Variants in BORCS7 observed in about 807,000 individuals in gnomAD.
BORCS7 encodes the protein BLOC-1-related complex subunit 7.
A neutral mutation model predicts 17.5 loss-of-function variants in BORCS7; 20 were observed. The ratio of observed to expected loss-of-function variants is 1.14; its 90% CI spans 0.80 to 1.66. The LOEUF is 1.66. Ranked by LOEUF, BORCS7 falls within the 40% of genes most tolerant of loss-of-function variation. BORCS7 has a pLI of 0.00. For synonymous variants in BORCS7, 57 were observed against 49.8 expected, an observed-to-expected ratio of 1.14 and a Z score of -0.61; for missense variants, 122 against 129.7, an observed-to-expected ratio of 0.94 and a Z score of 0.29.
intron 1 of BORCS7, among the ~76,000 whole-genome samples, chr10:102,854,684 G>T (rs987815441): frequency 5.3e-5 from 8 of 151,632 alleles, no homozygotes; most frequent in African/African-American, 1.9e-4. Flanking sequence ...AGGCCGAGGC[G>T]GGCGGATCAC....
intron 1 of BORCS7, among the ~76,000 whole-genome samples, chr10:102,859,863 C>T (rs1388933088): frequency 1.3e-5 from 2 of 152,166 alleles, no homozygotes; most frequent in Non-Finnish European, 2.9e-5. Flanking sequence ...CGCACCTGGC[C>T]TTCTCTTATT....
chr10:102,861,738 A>C (rs1844524743), intron 3 of BORCS7, among the ~76,000 whole-genome samples: 1 of 152,102 alleles, frequency 6.6e-6, no homozygotes. Context: ...CAAAAAAACA[A>C]AAACAAAAGC....
chr10:102,856,398 A>C (rs973149284), intron 1 of BORCS7, among the ~76,000 whole-genome samples: 1 of 152,154 alleles, frequency 6.6e-6, no homozygotes, highest in Non-Finnish European at 1.5e-5. Context: ...AAAAAAGGAA[A>C]AAAAAAAAGA....
chr10:102,860,712 G>A (rs940877579), intron 3 of BORCS7, 171 bp downstream of exon 3: 1 of 675,434 alleles, frequency 1.5e-6, no homozygotes, highest in South Asian at 1.8e-5. Flanking sequence ...CAGAAGAAGT[G>A]GGGGTAAAGG....
At chr10:102,858,186 T>G (rs575474640) in intron 1 of BORCS7, among the ~76,000 whole-genome samples, 196 of 91,584 alleles carry the variant, frequency 2.1e-3, no homozygotes, top group African/African-American at 6.8e-3. Context: ...AATATATATA[T>G]ATATAGAGAG....
intron 3 of BORCS7, among the ~76,000 whole-genome samples, chr10:102,861,942 G>A (rs965089727): frequency 6.6e-6 from 1 of 152,074 alleles, no homozygotes; most frequent in Admixed American, 6.5e-5. Flanking sequence ...CTCACTCTGG[G>A]AGAATGTTAC....
rs556302481 is a variant in BORCS7 at position 102,861,282 on chromosome 10, G to A, written c.248+741G>A. On this transcript the variant is annotated intron_variant, in intron 3 of 4. Transcript: ENST00000339834. ...ATACAAAAAAGTAGCCGGGTGTGGT[G>A]GTGGGTGCCTGTAATCCCAGATACT... is the stretch of plus-strand genomic sequence containing the variant. Among the ~76,000 whole-genome samples the A allele has an allele frequency of 2.8e-4, 42 of 152,016 alleles. No homozygotes were observed. The South Asian group carries it at 8.1e-3, about 29-fold the overall frequency.
At chr10:102,859,112 A>T (rs1459248283) in intron 1 of BORCS7, among the ~76,000 whole-genome samples, 1 of 151,018 alleles carries the variant, frequency 6.6e-6, no homozygotes, top group Non-Finnish European at 1.5e-5. Flanking sequence ...AACCTCATTA[A>T]ATTCTGCCTG....
chr10:102,854,454 C>T (rs1487703606), intron 1 of BORCS7, 27 bp downstream of exon 1: 4 of 1,516,482 alleles, frequency 2.6e-6, no homozygotes, highest in Non-Finnish European at 3.6e-6. Flanking sequence ...CTCTCCCGGC[C>T]TGATAGTCCG....
Position 102,862,181 on chromosome 10 carries a change from G to A in BORCS7, c.269+1G>A. The A allele has an allele frequency of 1.9e-6, 3 of 1,609,274 alleles. No homozygotes were observed. Among genetic ancestry groups the A allele is most frequent in the South Asian group, 1.1e-5 (1 of 90,956 alleles). On this transcript the variant is annotated splice_donor_variant, in intron 4 of 4. Transcript: ENST00000339834. LOFTEE classifies it high-confidence loss of function. ...TTAGGCAAGAAGCTATTCAGAAGAA[G>A]TAAGTAACCCCAAAGGTAGAGGAGT...
chr10:102,855,159 CTTTTT>C (rs945217993), intron 1 of BORCS7, among the ~76,000 whole-genome samples: 2 of 130,756 alleles, frequency 1.5e-5, no homozygotes, highest in Non-Finnish European at 1.7e-5. Flanking sequence ...AGTACTTTTC[CTTTTT>C]TTTTTTTTTT....
rs376830356 is a variant in BORCS7, at chr10:102,860,334, G to T, written c.144G>T (p.Leu48=). ...ACCATTTTATTTTTGTCTTCCAGCT[G>T]CTAGGTCAGGCAGCTCGAAACATGG... ...QVLKGSRSSE[L]LGQAARNMVL... is the part of the protein sequence containing the mutation. Residue 48 remains leucine (L), a splice_region_variant and synonymous_variant, in exon 2 of 5, where the codon CTG becomes CTT. Coordinates refer to ENST00000339834, the MANE Select transcript of BORCS7 (RefSeq NM_001136200.2). 1.2e-6 allele frequency: 2 copies of T among 1,613,862 alleles called. No homozygotes were observed. Among genetic ancestry groups the T allele is most frequent in the Non-Finnish European group, 1.7e-6 (2 of 1,179,934 alleles).
chr10:102,855,835 C>T (rs1844418086), intron 1 of BORCS7, among the ~76,000 whole-genome samples: 1 of 152,194 alleles, frequency 6.6e-6, no homozygotes. Flanking sequence ...ATCTCGGGCT[C>T]ACTGCAACCT....
chr10:102,863,072 A>C lies in BORCS7; in HGVS notation c.*148A>C. The C allele has an allele frequency of 1.0e-5, 7 of 670,502 alleles. No individual in the cohort carries two copies. Among genetic ancestry groups the C allele is most frequent in the Non-Finnish European group, 1.5e-5 (6 of 389,192 alleles). The allele number at this position is 670,502 out of a possible 1,614,324, so 41.5% of individuals were successfully genotyped here. On this transcript the variant is annotated 3_prime_UTR_variant, in exon 5 of 5. Transcript: ENST00000339834. The stretch of plus-strand genomic sequence containing the variant: ...GTGTTAGGGCCGGGCGCGGTAGCTC[A>C]CGCCTGTAATCCCAGCACTTTGGGA...
At chr10:102,862,232 G>A in intron 4 of BORCS7, 52 bp downstream of exon 4, 2 of 1,551,178 alleles carry the variant, frequency 1.3e-6, no homozygotes, top group Non-Finnish European at 1.8e-6. Context: ...GCAGGCTGGG[G>A]GGATTTATAC....
At position 102,859,821 on chromosome 10, in the gene BORCS7, C is replaced by T. The variant is rs1246566772; in HGVS notation, c.142-511C>T. Among the ~76,000 whole-genome samples, 4 of 152,042 alleles carry T rather than the reference C, an allele frequency of 2.6e-5. 1 individual carries two copies. ...TCAAGTGATCCACCCACCTTGGCCTCCCGAAGTGCTGAGATTACGGGCATG... is the reference window on the plus strand; with the variant it reads ...TCAAGTGATCCACCCACCTTGGCCTTCCGAAGTGCTGAGATTACGGGCATG... On this transcript the variant is annotated intron_variant, in intron 1 of 4. Coordinates refer to ENST00000339834, the MANE Select transcript of BORCS7 (RefSeq NM_001136200.2).
intron 3 of BORCS7, 54 bp downstream of exon 3, chr10:102,860,595 G>A (rs1210648592): frequency 1.3e-6 from 2 of 1,574,422 alleles, no homozygotes; most frequent in African/African-American, 1.4e-5. Flanking sequence ...TCCCTGGTCT[G>A]CTTTCATGGA....
chr10:102,854,914 T>A (rs1564785438), intron 1 of BORCS7, among the ~76,000 whole-genome samples: 1 of 147,374 alleles, frequency 6.8e-6, no homozygotes, highest in Non-Finnish European at 1.5e-5. Context: ...ACGTATATAT[T>A]ATATATAATG....
At chr10:102,855,121 G>T (rs1844406029) in intron 1 of BORCS7, among the ~76,000 whole-genome samples, 1 of 149,428 alleles carries the variant, frequency 6.7e-6, no homozygotes, top group African/African-American at 2.5e-5. Flanking sequence ...TTTAATTCAT[G>T]AAGTCTTTAG....
Sources: gnomAD v4.1 joint callset for allele counts (sites outside exome capture counted in the v4.1 genomes callset) on GRCh38, gnomAD v4.1.1 for gene constraint, MANE v1.5 for transcripts, NCBI Gene and HGNC (gene_info 2026-07-23, HGNC 2026-07-21) for gene names.